Variants in TRAPPC9 observed in about 807,000 individuals in gnomAD.
TRAPPC9 encodes the protein trafficking protein particle complex subunit 9.
A neutral mutation model predicts 124.0 loss-of-function variants in TRAPPC9; 83 were observed. The ratio of observed to expected loss-of-function variants is 0.67; its 90% CI spans 0.56 to 0.80. The LOEUF is 0.80. Ranked by LOEUF, TRAPPC9 falls within the 30% of genes least tolerant of loss-of-function variation. The pLI is 0.00. For synonymous variants in TRAPPC9, 638 were observed against 617.5 expected (o/e 1.03, Z -0.49); for missense variants, 1,302 against 1,508.3 (o/e 0.86, Z 2.27).
chr8:139,756,194 G>T (rs576613339), intron 21 of TRAPPC9, among the ~76,000 whole-genome samples: 197 of 121,822 alleles, frequency 1.6e-3, no homozygotes, highest in African/African-American at 6.7e-3. Flanking sequence ...GGAGGAGCCA[G>T]GGATTAGGGA....
At chr8:140,339,893 A>G (rs1303935375) in intron 9 of TRAPPC9, among the ~76,000 whole-genome samples, 1 of 152,098 alleles carries the variant, frequency 6.6e-6, no homozygotes, top group African/African-American at 2.4e-5. Flanking sequence ...CCAAGGCTAG[A>G]GTGCAGTGGT....
chr8:139,878,819 A>T (rs1829496248), intron 21 of TRAPPC9, among the ~76,000 whole-genome samples: 1 of 152,130 alleles, frequency 6.6e-6, no homozygotes, highest in Non-Finnish European at 1.5e-5. Flanking sequence ...AACAAATACA[A>T]ATAACAAATA....
intron 18 of TRAPPC9, among the ~76,000 whole-genome samples, chr8:140,016,689 G>A (rs190962904): frequency 7.6e-4 from 116 of 152,280 alleles, no homozygotes; most frequent in Non-Finnish European, 1.3e-3. Flanking sequence ...TCATTTACCT[G>A]TTGATGGGCA....
At chr8:139,988,171 C>T (rs753422346) in intron 19 of TRAPPC9, among the ~76,000 whole-genome samples, 4 of 144,226 alleles carry the variant, frequency 2.8e-5, no homozygotes, top group South Asian at 2.2e-4. Context: ...TACGGTGGTA[C>T]GATCGATCTC....
intron 21 of TRAPPC9, among the ~76,000 whole-genome samples, chr8:139,747,578 G>T (rs1429388140): frequency 1.4e-5 from 1 of 73,104 alleles, no homozygotes; most frequent in Non-Finnish European, 2.8e-5. Flanking sequence ...AGTGGGTGTG[G>T]GGGTGTCCCG....
At chr8:140,404,917 T>C (rs2069436766) in intron 6 of TRAPPC9, among the ~76,000 whole-genome samples, 2 of 145,288 alleles carry the variant, frequency 1.4e-5, no homozygotes, top group South Asian at 4.2e-4. Context: ...TGCGTGTGTG[T>C]GTGTGTGTGT....
intron 17 of TRAPPC9, among the ~76,000 whole-genome samples, chr8:140,051,279 T>C (rs1841979951): frequency 6.6e-6 from 1 of 152,216 alleles, no homozygotes; most frequent in African/African-American, 2.4e-5. Flanking sequence ...CAGTGAGCAC[T>C]GTGGGACCTG....
intron 8 of TRAPPC9, among the ~76,000 whole-genome samples, chr8:140,366,832 T>TA (rs2068125390): frequency 6.6e-6 from 1 of 152,028 alleles, no homozygotes; most frequent in African/African-American, 2.4e-5. Context: ...ACACAACTGA[T>TA]AAAGGACTGT....
At chr8:139,979,145 G>C (rs1484634953) in intron 19 of TRAPPC9, among the ~76,000 whole-genome samples, 1 of 152,180 alleles carries the variant, frequency 6.6e-6, no homozygotes, top group Non-Finnish European at 1.5e-5. Flanking sequence ...AACCACTGGT[G>C]TCAGGACTTG....
At chr8:139,800,032 C>T (rs550707022) in intron 21 of TRAPPC9, among the ~76,000 whole-genome samples, 60 of 152,336 alleles carry the variant, frequency 3.9e-4, no homozygotes, top group African/African-American at 1.1e-3. Flanking sequence ...ATTCCACAGA[C>T]GCATGGAAGG....
At chr8:140,289,180 T>TA (rs2065579658) in intron 12 of TRAPPC9, among the ~76,000 whole-genome samples, 26 of 22,562 alleles carry the variant, frequency 1.2e-3, no homozygotes, top group African/African-American at 6.6e-3. Context: ...ATATAGTGTG[T>TA]GTGTGTGTGT....
chr8:139,831,345 C>T lies in TRAPPC9; in HGVS notation c.3055+54534G>A, dbSNP rs188958949. Reference sequence around the variant, plus strand: ...GTGGAGAAGGTGGGCAAGAGACTCTCCCAGCCATCAGTGAGGTTTCTTGAT... The same window carrying T: ...GTGGAGAAGGTGGGCAAGAGACTCTTCCAGCCATCAGTGAGGTTTCTTGAT... On this transcript the variant is annotated intron_variant, in intron 21 of 22. Coordinates refer to ENST00000438773, the MANE Select transcript of TRAPPC9 (RefSeq NM_001160372.4). 6.6e-5 allele frequency among the ~76,000 whole-genome samples: 10 copies of T among 152,184 alleles called. No homozygotes were observed. The East Asian group carries it at 1.9e-3, about 29-fold the overall frequency.
intron 21 of TRAPPC9, among the ~76,000 whole-genome samples, chr8:139,867,675 T>C (rs985102498): frequency 6.6e-6 from 1 of 152,194 alleles, no homozygotes; most frequent in African/African-American, 2.4e-5. Flanking sequence ...GCCAAAAATG[T>C]TCAAAACTGA....
At chr8:140,259,714 G>A (rs2064354988) in intron 15 of TRAPPC9, among the ~76,000 whole-genome samples, 3 of 152,146 alleles carry the variant, frequency 2.0e-5, no homozygotes. Context: ...CTTTATCAGA[G>A]CTGTGTGGAC....
chr8:139,830,868 C>T (rs1487236296), intron 21 of TRAPPC9, among the ~76,000 whole-genome samples: 1 of 152,196 alleles, frequency 6.6e-6, no homozygotes, highest in Non-Finnish European at 1.5e-5. Flanking sequence ...CAGAGGGTCC[C>T]GCCCAGGACA....
chr8:139,851,285 A>T (rs1205142028), intron 21 of TRAPPC9, among the ~76,000 whole-genome samples: 1 of 152,170 alleles, frequency 6.6e-6, no homozygotes. Context: ...AACCTAAGTC[A>T]ATGTCCTTCC....
At chr8:139,824,982 C>T (rs543132080) in intron 21 of TRAPPC9, among the ~76,000 whole-genome samples, 3 of 152,236 alleles carry the variant, frequency 2.0e-5, no homozygotes, top group African/African-American at 7.2e-5. Context: ...TCGTGAGTCC[C>T]CTGCAGGGAG....
intron 16 of TRAPPC9, among the ~76,000 whole-genome samples, chr8:140,232,623 C>T (rs747976554): frequency 3.3e-5 from 5 of 152,158 alleles, no homozygotes; most frequent in Admixed American, 6.5e-5. Context: ...AACGTCACTG[C>T]GCATCAACAG....
chr8:139,860,312 C>T (rs1263254622), intron 21 of TRAPPC9, among the ~76,000 whole-genome samples: 6 of 150,138 alleles, frequency 4.0e-5, no homozygotes, highest in Non-Finnish European at 8.8e-5. Context: ...GAACCCAGTC[C>T]AAAAGGGGCT....
Sources: gnomAD v4.1 joint callset for allele counts (sites outside exome capture counted in the v4.1 genomes callset) on GRCh38, gnomAD v4.1.1 for gene constraint, MANE v1.5 for transcripts, NCBI Gene and HGNC (gene_info 2026-07-23, HGNC 2026-07-21) for gene names.